The following FHIT variants were observed in gnomAD, a reference collection of about 807,000 sequenced individuals.
The protein encoded by FHIT is fragile histidine triad diadenosine triphosphatase, also known as bis(5'-adenosyl)-triphosphatase.
In FHIT, 19 loss-of-function variants were observed where a neutral mutation model predicts 17.9. The observed-to-expected ratio is 1.06, with a 90% confidence interval of 0.74 to 1.56. The LOEUF (loss-of-function observed/expected upper bound fraction) is 1.56. Ranked by LOEUF, FHIT falls within the 40% of genes most tolerant of loss-of-function variation. The pLI is 0.00. For synonymous variants in FHIT, 81 were observed against 69.7 expected (o/e 1.16, Z -0.81); for missense variants, 248 against 189.2 (o/e 1.31, Z -1.82).
chr3:61,035,887 T>C lies in FHIT; in HGVS notation c.-111+6160A>G, dbSNP rs140266465. 2.5e-4 allele frequency among the ~76,000 whole-genome samples: 38 copies of C among 152,306 alleles called. 2 individuals are homozygous for C. In the East Asian group the frequency reaches 6.0e-3, roughly 24 times the overall value. Reference sequence around the variant, plus strand: ...GTAATGTTTAGCATGCATATTCCAATAGATAAAATCCCTCAAAGGTGTTCA... The same window carrying C: ...GTAATGTTTAGCATGCATATTCCAACAGATAAAATCCCTCAAAGGTGTTCA... On this transcript the variant is annotated intron_variant, in intron 3 of 9. Transcript: ENST00000492590.
intron 3 of FHIT, among the ~76,000 whole-genome samples, chr3:60,878,725 T>G (rs1553757189): frequency 6.6e-6 from 1 of 151,692 alleles, no homozygotes; most frequent in South Asian, 2.1e-4. Context: ...CACCTATGAG[T>G]GAGAACACGC....
At chr3:59,794,960 G>C (rs1173019176) in intron 8 of FHIT, among the ~76,000 whole-genome samples, 1 of 152,138 alleles carries the variant, frequency 6.6e-6, no homozygotes, top group African/African-American at 2.4e-5. Context: ...ACTTTACCAT[G>C]GCTCAGTTTC....
intron 8 of FHIT, among the ~76,000 whole-genome samples, chr3:59,821,831 G>A (rs1249050351): frequency 3.3e-5 from 5 of 151,844 alleles, no homozygotes; most frequent in Non-Finnish European, 7.4e-5. Flanking sequence ...GTTTTTGGGG[G>A]AACAAGTGGT....
chr3:59,880,421 G>C (rs970847001), intron 8 of FHIT, among the ~76,000 whole-genome samples: 3 of 152,138 alleles, frequency 2.0e-5, no homozygotes, highest in African/African-American at 7.2e-5. Context: ...ATAGCAGAAA[G>C]AACCATGTCT....
At chr3:60,920,296 T>C (rs1211212626) in intron 3 of FHIT, among the ~76,000 whole-genome samples, 5 of 152,048 alleles carry the variant, frequency 3.3e-5, no homozygotes, top group African/African-American at 9.7e-5. Flanking sequence ...AAGAGAAATT[T>C]ATGAGAGAAA....
intron 4 of FHIT, among the ~76,000 whole-genome samples, chr3:60,726,352 G>A (rs1553709560): frequency 1.3e-5 from 2 of 152,068 alleles, no homozygotes; most frequent in African/African-American, 4.8e-5. Flanking sequence ...TGAAAATTAG[G>A]AATCATTAAA....
In FHIT at chr3:60,466,831, T is replaced by G. The variant is rs1008822977; in HGVS notation, c.103+70029A>C. ...AGGGTTACTTGCCTGCAGTTTTTTTTTTTTTTTTTTAATGTGCCTTTGTCT... is the reference window on the plus strand; with the variant it reads ...AGGGTTACTTGCCTGCAGTTTTTTTGTTTTTTTTTTAATGTGCCTTTGTCT... On this transcript the variant is annotated intron_variant, in intron 5 of 9. Transcript: ENST00000492590. 9.2e-5 allele frequency among the ~76,000 whole-genome samples: 14 copies of G among 151,818 alleles called. No homozygotes were observed. In the South Asian group the frequency reaches 2.3e-3, roughly 25 times the overall value.
intron 5 of FHIT, among the ~76,000 whole-genome samples, chr3:60,409,824 C>T (rs968912167): frequency 3.3e-5 from 5 of 152,254 alleles, no homozygotes; most frequent in East Asian, 1.9e-4. Flanking sequence ...CCATGCTACA[C>T]GAACCTTCTT....
At chr3:60,339,668 G>A (rs1010494690) in intron 5 of FHIT, among the ~76,000 whole-genome samples, 2 of 152,150 alleles carry the variant, frequency 1.3e-5, no homozygotes, top group Non-Finnish European at 2.9e-5. Context: ...TGACAAAAGT[G>A]GAATCCCTAT....
chr3:60,207,604 A>T (rs1340748087), intron 5 of FHIT, among the ~76,000 whole-genome samples: 1 of 152,172 alleles, frequency 6.6e-6, no homozygotes, highest in Admixed American at 6.5e-5. Context: ...CATACTATTT[A>T]ATATGGCGGT....
intron 7 of FHIT, 149 bp from the exon 8 acceptor site, chr3:59,922,563 A>G (rs980140744): frequency 2.9e-5 from 19 of 654,936 alleles, no homozygotes; most frequent in African/African-American, 9.1e-5. Flanking sequence ...TTCGGTAACT[A>G]TACCTGAAAT....
chr3:60,193,919 A>G (rs551063451), intron 5 of FHIT, among the ~76,000 whole-genome samples: 20 of 152,328 alleles, frequency 1.3e-4, no homozygotes, highest in African/African-American at 4.6e-4. Flanking sequence ...TCGCTTTCCA[A>G]TCTAAAGAAC....
chr3:59,896,624 A>G (rs1054730200), intron 8 of FHIT, among the ~76,000 whole-genome samples: 1 of 152,234 alleles, frequency 6.6e-6, no homozygotes, highest in Non-Finnish European at 1.5e-5. Context: ...TGAAATAATG[A>G]AAGTATAATG....
At chr3:61,229,293 G>GAAAAA (rs1315242176) in intron 1 of FHIT, among the ~76,000 whole-genome samples, 1 of 152,160 alleles carries the variant, frequency 6.6e-6, no homozygotes, top group Non-Finnish European at 1.5e-5. Context: ...AAGGCCAAAT[G>GAAAAA]AAGCAAACAG....
At chr3:60,502,599 G>T (rs1025799633) in intron 5 of FHIT, among the ~76,000 whole-genome samples, 2 of 152,136 alleles carry the variant, frequency 1.3e-5, no homozygotes, top group Admixed American at 1.3e-4. Flanking sequence ...ATCATAAAAA[G>T]ATCTTGTTTA....
intron 5 of FHIT, among the ~76,000 whole-genome samples, chr3:60,316,216 G>T (rs566248944): frequency 6.6e-6 from 1 of 152,204 alleles, no homozygotes; most frequent in Non-Finnish European, 1.5e-5. Flanking sequence ...CTTGACAGTG[G>T]GGATGTATGT....
intron 2 of FHIT, among the ~76,000 whole-genome samples, chr3:61,110,003 T>C (rs1446065909): frequency 2.0e-5 from 3 of 152,126 alleles, no homozygotes; most frequent in African/African-American, 7.2e-5. Context: ...CAAGAAGGGC[T>C]ACAATAATTC....
intron 2 of FHIT, among the ~76,000 whole-genome samples, chr3:61,048,002 G>C (rs1253039133): frequency 2.0e-5 from 3 of 151,162 alleles, no homozygotes; most frequent in Non-Finnish European, 4.4e-5. Context: ...TTAAATGTTA[G>C]ACCTAAAACC....
At chr3:60,060,148 C>G (rs959139961) in intron 5 of FHIT, among the ~76,000 whole-genome samples, 1 of 149,872 alleles carries the variant, frequency 6.7e-6, no homozygotes, top group Non-Finnish European at 1.5e-5. Context: ...AAACCATAAA[C>G]AAAAATAAAG....
Sources: gnomAD v4.1 joint callset for allele counts (sites outside exome capture counted in the v4.1 genomes callset) on GRCh38, gnomAD v4.1.1 for gene constraint, MANE v1.5 for transcripts, NCBI Gene and HGNC (gene_info 2026-07-23, HGNC 2026-07-21) for gene names.